The following DMBT1 variants were observed in gnomAD, a reference collection of about 807,000 sequenced individuals.
DMBT1 encodes the protein scavenger receptor cysteine-rich domain-containing protein DMBT1.
DMBT1 carries 198 observed loss-of-function variants against 252.9 expected under a neutral mutation model. That is an observed-to-expected ratio of 0.78 (90% CI 0.70 to 0.88). The LOEUF (loss-of-function observed/expected upper bound fraction) is 0.88, where lower values mean the gene tolerates loss of function less well. Among genes scored for constraint, DMBT1 ranks in the 40% least tolerant of loss-of-function variants. The pLI is 0.00. For missense variants in DMBT1, 2,432 were observed against 2,404.7 expected (o/e 1.01, Z -0.24); for synonymous variants, 990 against 942.7 (o/e 1.05, Z -0.92).
intron 40 of DMBT1, 24 bp downstream of exon 40, chr10:122,617,284 C>G (rs753948256): frequency 6.2e-7 from 1 of 1,605,794 alleles, no homozygotes; most frequent in South Asian, 1.1e-5. Context: ...TCACCCCTCC[C>G]TAGGGCTCAC....
rs1451621064 is a variant in DMBT1, at chr10:122,573,709, C to T, written c.236-6C>T. The T allele has an allele frequency of 6.2e-7, 1 of 1,613,918 alleles. No individual in the cohort carries two copies. The highest frequency in any genetic ancestry group is 2.2e-5 in the East Asian group (1 of 44,862). Reference sequence around the variant, plus strand: ...TCAATGAGCTCTTCCTTTCTCCACCCTGCAGGTTCTCTGATTCCCTCAGAG... The same window carrying T: ...TCAATGAGCTCTTCCTTTCTCCACCTTGCAGGTTCTCTGATTCCCTCAGAG... On this transcript the variant is annotated splice_region_variant and splice_polypyrimidine_tract_variant and intron_variant, in intron 5 of 55. Coordinates refer to ENST00000338354, the MANE Select transcript of DMBT1 (RefSeq NM_001377530.1).
chr10:122,579,313 A>G (rs1159946210), intron 9 of DMBT1, among the ~76,000 whole-genome samples: 1 of 151,968 alleles, frequency 6.6e-6, no homozygotes, highest in African/African-American at 2.4e-5. Flanking sequence ...TCCTCTGTGT[A>G]CCCAACTGGG....
intron 6 of DMBT1, among the ~76,000 whole-genome samples, chr10:122,574,829 C>T (rs2097697742): frequency 6.6e-6 from 1 of 152,196 alleles, no homozygotes; most frequent in African/African-American, 2.4e-5. Flanking sequence ...CTGCCTGTCA[C>T]ACAGGACTGC....
chr10:122,627,834 T>C (rs770945532), intron 46 of DMBT1, among the ~76,000 whole-genome samples: 3 of 152,194 alleles, frequency 2.0e-5, no homozygotes, highest in African/African-American at 4.8e-5. Flanking sequence ...GTGACTCTTG[T>C]AGTCAATGAT....
chr10:122,567,267 G>T (rs936740227), intron 2 of DMBT1, among the ~76,000 whole-genome samples: 5 of 152,192 alleles, frequency 3.3e-5, no homozygotes, highest in African/African-American at 1.2e-4. Flanking sequence ...AGGAGGGGGC[G>T]CATTGCCCTG....
In DMBT1 at chr10:122,640,399, A is replaced by G; in HGVS notation, c.7302A>G (p.Ser2434=). 1.9e-6 allele frequency: 3 copies of G among 1,613,966 alleles called. No homozygotes were observed. The East Asian group carries it at 6.7e-5, about 36-fold the overall frequency. The change falls in exon 55 of 56, where the codon TCA becomes TCG. Residue 2434 remains serine, a synonymous_variant. Coordinates refer to ENST00000338354, the MANE Select transcript of DMBT1 (RefSeq NM_001377530.1). ...LTLFVDTCVA[S]PYSNDFTSLT... is the part of the protein sequence containing the mutation. ...TGTTTGTGGACACCTGCGTGGCATC[A>G]CCATACTCCAATGACTTCACGTCTT...
At chr10:122,587,101 C>A (rs1286217778) in intron 16 of DMBT1, among the ~76,000 whole-genome samples, 4 of 148,426 alleles carry the variant, frequency 2.7e-5, no homozygotes, top group Admixed American at 2.0e-4. Context: ...GGATCCAATC[C>A]CAACATGAGT....
intron 46 of DMBT1, among the ~76,000 whole-genome samples, chr10:122,629,515 T>C (rs1316945472): frequency 1.3e-5 from 2 of 152,228 alleles, no homozygotes; most frequent in Admixed American, 6.5e-5. Flanking sequence ...TCCCTGTCTG[T>C]AGCTGATTGA....
rs530234898 is a variant in DMBT1 at position 122,593,053 on chromosome 10, G to A, written c.2500+458G>A. Among the ~76,000 whole-genome samples the A allele has an allele frequency of 2.7e-5, 4 of 148,812 alleles. No homozygotes were observed. The East Asian group carries it at 8.3e-4, about 31-fold the overall frequency. ...GAGGTCTGGAAATAGAGGCTCAAGG[G>A]TTAGGGGTGCAAATGGGTGTCTGGT... On this transcript the variant is annotated intron_variant, in intron 20 of 55. Coordinates refer to ENST00000338354, the MANE Select transcript of DMBT1 (RefSeq NM_001377530.1).
intron 25 of DMBT1, among the ~76,000 whole-genome samples, chr10:122,598,391 A>C (rs962878487): frequency 6.6e-6 from 1 of 152,176 alleles, no homozygotes; most frequent in African/African-American, 2.4e-5. Flanking sequence ...AGGCCTTGTC[A>C]TACCTGTGAA....
intron 41 of DMBT1, among the ~76,000 whole-genome samples, chr10:122,618,692 C>T (rs573670933): frequency 6.6e-6 from 1 of 152,338 alleles, no homozygotes; most frequent in African/African-American, 2.4e-5. Context: ...ATAGCAGGGG[C>T]AGGGAGGGAT....
At chr10:122,633,135 T>C in intron 51 of DMBT1, 56 bp from the exon 52 acceptor site, 2 of 1,584,614 alleles carry the variant, frequency 1.3e-6, no homozygotes, top group African/African-American at 1.4e-5. Context: ...AGTCCGCAGG[T>C]AGACTGTGCA....
intron 4 of DMBT1, among the ~76,000 whole-genome samples, chr10:122,571,745 C>T (rs944940063): frequency 3.3e-5 from 5 of 152,188 alleles, no homozygotes; most frequent in African/African-American, 1.2e-4. Context: ...CTCTGGCATT[C>T]AGTGTTTGGG....
intron 46 of DMBT1, among the ~76,000 whole-genome samples, chr10:122,626,692 A>T (rs2098121424): frequency 6.6e-6 from 1 of 152,236 alleles, no homozygotes. Flanking sequence ...TGTAAGAGAC[A>T]AACTGATCTT....
intron 49 of DMBT1, among the ~76,000 whole-genome samples, chr10:122,631,639 C>A (rs1255641635): frequency 6.6e-6 from 1 of 152,070 alleles, no homozygotes; most frequent in Non-Finnish European, 1.5e-5. Flanking sequence ...GGTGTTATGA[C>A]CTCAGCTGTA....
intron 49 of DMBT1, 140 bp from the exon 50 acceptor site, chr10:122,631,715 T>C: frequency 1.2e-6 from 1 of 807,518 alleles, no homozygotes; most frequent in Non-Finnish European, 2.0e-6. Context: ...GGCTTCTCAA[T>C]AGCAATTGCT....
In DMBT1 at chr10:122,591,963, G is replaced by C. The variant is rs745586638; in HGVS notation, c.2177-309G>C. Among the ~76,000 whole-genome samples the C allele has an allele frequency of 2.0e-5, 3 of 148,966 alleles. 1 individual carries two copies. Among genetic ancestry groups the C allele is most frequent in the Non-Finnish European group, 3.0e-5 (2 of 66,862 alleles). ...ACTCTTCGACATGGGGATAGCATAGGCCTGCCCTCTGGAGCAGTGGAGCTC... is the reference window on the plus strand; with the variant it reads ...ACTCTTCGACATGGGGATAGCATAGCCCTGCCCTCTGGAGCAGTGGAGCTC... On this transcript the variant is annotated intron_variant, in intron 19 of 55. Transcript: ENST00000338354.
chr10:122,620,174 T>A, intron 42 of DMBT1, 79 bp from the exon 43 acceptor site: 1 of 1,459,852 alleles, frequency 6.9e-7, no homozygotes, highest in Non-Finnish European at 9.6e-7. Flanking sequence ...TCATGATGCT[T>A]GCCTGGTTCA....
rs748907906 is a variant in DMBT1, at chr10:122,589,035, C to G, written c.1875C>G (p.Thr625=). 2 of 1,588,570 alleles carry G rather than the reference C, an allele frequency of 1.3e-6. No homozygotes were observed. The highest frequency in any genetic ancestry group is 2.3e-5 in the East Asian group (1 of 42,774). Residue 625 remains threonine (T), a synonymous_variant, in exon 17 of 56, where the codon ACC becomes ACG. Coordinates refer to ENST00000338354, the MANE Select transcript of DMBT1 (RefSeq NM_001377530.1). ...VEVLYRGSWG[T]VCDDSWDTND... ...TCCTATACCGAGGCTCTTGGGGCACCGTGTGTGATGACAGCTGGGACACCA... is the reference window on the plus strand; with the variant it reads ...TCCTATACCGAGGCTCTTGGGGCACGGTGTGTGATGACAGCTGGGACACCA...
Sources: gnomAD v4.1 joint callset for allele counts (sites outside exome capture counted in the v4.1 genomes callset) on GRCh38, gnomAD v4.1.1 for gene constraint, MANE v1.5 for transcripts, NCBI Gene and HGNC (gene_info 2026-07-23, HGNC 2026-07-21) for gene names.